Variants in SND1 observed in about 807,000 individuals in gnomAD.
The protein encoded by SND1 is staphylococcal nuclease and tudor domain containing 1, also known as staphylococcal nuclease domain-containing protein 1.
In SND1, 38 loss-of-function variants were observed where a neutral mutation model predicts 121.7. The ratio of observed to expected loss-of-function variants is 0.31; its 90% CI spans 0.24 to 0.41. SND1 has a LOEUF of 0.41. SND1 is among the 10% of genes least tolerant of loss of function. SND1 has a pLI of 1.00. For missense variants in SND1, 868 were observed against 1,184.6 expected, an observed-to-expected ratio of 0.73 and a Z score of 3.92; for synonymous variants, 401 against 447.4, an observed-to-expected ratio of 0.90 and a Z score of 1.31.
chr7:127,861,058 G>A (rs966777345), intron 12 of SND1, among the ~76,000 whole-genome samples: 3 of 152,172 alleles, frequency 2.0e-5, no homozygotes, highest in African/African-American at 7.2e-5. Flanking sequence ...TTATGCTGAT[G>A]CGCTTCTAGG....
chr7:128,006,171 G>A (rs1229257962), intron 16 of SND1, among the ~76,000 whole-genome samples: 2 of 152,224 alleles, frequency 1.3e-5, no homozygotes, highest in Admixed American at 1.3e-4. Context: ...GGAATGTAGA[G>A]TGGAGACAGT....
At chr7:127,771,259 C>T (rs139166756) in intron 10 of SND1, among the ~76,000 whole-genome samples, 85 of 152,278 alleles carry the variant, frequency 5.6e-4, no homozygotes, top group African/African-American at 1.9e-3. Context: ...CAGGCTAATT[C>T]TTGGCATACG....
chr7:127,998,719 G>GCA (rs1802739657), intron 16 of SND1: 1 of 152,236 alleles, frequency 6.6e-6, no homozygotes, highest in Non-Finnish European at 1.5e-5. Context: ...AATGAAAGTG[G>GCA]CATCACAAGG....
intron 12 of SND1, among the ~76,000 whole-genome samples, chr7:127,849,518 C>T (rs1799127248): frequency 6.6e-6 from 1 of 152,160 alleles, no homozygotes; most frequent in African/African-American, 2.4e-5. Flanking sequence ...TTCTCACCAC[C>T]ACCTCACCCC....
intron 12 of SND1, among the ~76,000 whole-genome samples, chr7:127,879,644 A>G (rs1799753504): frequency 6.6e-6 from 1 of 152,148 alleles, no homozygotes; most frequent in Non-Finnish European, 1.5e-5. Flanking sequence ...TTAGGAATCA[A>G]TATCGGAACT....
At chr7:127,802,721 C>T (rs1420433377) in intron 10 of SND1, among the ~76,000 whole-genome samples, 3 of 152,188 alleles carry the variant, frequency 2.0e-5, no homozygotes, top group African/African-American at 7.2e-5. Context: ...TCAACATCTC[C>T]ACTCAGGTAT....
intron 15 of SND1, among the ~76,000 whole-genome samples, chr7:127,957,295 A>T (rs932027362): frequency 6.6e-6 from 1 of 152,186 alleles, no homozygotes; most frequent in Non-Finnish European, 1.5e-5. Flanking sequence ...TTCACTAACT[A>T]GTGTCCTCTC....
chr7:127,761,494 A>G (rs1797305500), intron 10 of SND1, among the ~76,000 whole-genome samples: 1 of 152,240 alleles, frequency 6.6e-6, no homozygotes, highest in Non-Finnish European at 1.5e-5. Context: ...CAAAAAATGA[A>G]TATGATGAGT....
At chr7:128,072,441 G>A (rs1793428988) in intron 16 of SND1, among the ~76,000 whole-genome samples, 1 of 152,188 alleles carries the variant, frequency 6.6e-6, no homozygotes, top group African/African-American at 2.4e-5. Flanking sequence ...TGTTGGCTGG[G>A]AACTGTACCA....
In SND1 at chr7:128,085,666, G is replaced by C; in HGVS notation, c.2235-45G>C. On this transcript the variant is annotated intron_variant, in intron 19 of 23. Coordinates refer to ENST00000354725, the MANE Select transcript of SND1 (RefSeq NM_014390.4). The surrounding 1 kb of genome is among the most constrained non-coding windows in gnomAD (Gnocchi z 4.4). ...ATTGCTGAGGCTCTGGGAGCCCAGA[G>C]TCCTCAGGGCTGTCTCTTGAGCTCT... 6.3e-7 allele frequency: 1 copy of C among 1,578,922 alleles called. No individual in the cohort carries two copies.
chr7:127,971,723 T>C lies in SND1; in HGVS notation c.1670-19224T>C, dbSNP rs115064273. Among the ~76,000 whole-genome samples, 897 of 152,092 alleles carry C rather than the reference T, an allele frequency of 5.9e-3. 16 individuals are homozygous for C. The highest frequency in any genetic ancestry group is 0.021 in the African/African-American group (855 of 41,492). ...CATTAAAATAAATTTAAATGTGACT[T>C]ATATACAATAAAGTACACAAGTCGT... On this transcript the variant is annotated intron_variant, in intron 15 of 23. Transcript: ENST00000354725.
At chr7:127,886,832 C>T (rs1760100869) in intron 12 of SND1, among the ~76,000 whole-genome samples, 1 of 93,568 alleles carries the variant, frequency 1.1e-5, no homozygotes, top group African/African-American at 4.1e-5. Context: ...CAAGTGTGAG[C>T]AATTTTCTTA....
At chr7:127,732,633 C>A (rs954438971) in intron 10 of SND1, among the ~76,000 whole-genome samples, 6 of 152,230 alleles carry the variant, frequency 3.9e-5, no homozygotes, top group Non-Finnish European at 8.8e-5. Context: ...AACAACGAAA[C>A]TGTATTCTAG....
At chr7:127,727,667 A>G (rs1437193720) in intron 10 of SND1, among the ~76,000 whole-genome samples, 1 of 152,162 alleles carries the variant, frequency 6.6e-6, no homozygotes, top group East Asian at 1.9e-4. Context: ...TTTGAAATGG[A>G]TATAGCATTT....
chr7:128,037,921 A>T lies in SND1; in HGVS notation c.1780-36581A>T, dbSNP rs780121831. On this transcript the variant is annotated intron_variant, in intron 16 of 23. Transcript: ENST00000354725. ...ATATTGGAACACTTAAGCGTTTACC[A>T]GTAGTAACACCAAAAGTACCTCCTG... Among the ~76,000 whole-genome samples the T allele has an allele frequency of 2.6e-5, 4 of 152,210 alleles. No individual in the cohort carries two copies. The East Asian group carries it at 7.7e-4, about 29-fold the overall frequency.
At chr7:127,971,167 T>A (rs1023068117) in intron 15 of SND1, among the ~76,000 whole-genome samples, 7 of 152,306 alleles carry the variant, frequency 4.6e-5, no homozygotes, top group African/African-American at 1.7e-4. Flanking sequence ...GTTATTTCGA[T>A]GTCACTTTTC....
At chr7:128,039,954 C>CTA (rs1386205912) in intron 16 of SND1, among the ~76,000 whole-genome samples, 9 of 152,198 alleles carry the variant, frequency 5.9e-5, no homozygotes, top group Admixed American at 5.2e-4. Context: ...AGTGCCAGAG[C>CTA]TATAGCACAG....
At chr7:127,776,167 G>A (rs1208793605) in intron 10 of SND1, among the ~76,000 whole-genome samples, 1 of 152,144 alleles carries the variant, frequency 6.6e-6, no homozygotes. Flanking sequence ...TGAAAAAATA[G>A]GCTTTCATCT....
chr7:127,843,952 G>T (rs1799010713), intron 11 of SND1, among the ~76,000 whole-genome samples: 1 of 152,158 alleles, frequency 6.6e-6, no homozygotes, highest in Non-Finnish European at 1.5e-5. Flanking sequence ...GTATCTCATT[G>T]TTGTTTAAGT....
Sources: allele counts gnomAD v4.1 joint callset (sites outside exome capture counted in the v4.1 genomes callset), GRCh38; gene constraint gnomAD v4.1.1; non-coding constraint Gnocchi (gnomAD v3.1); transcripts MANE v1.5; gene names NCBI Gene and HGNC (gene_info 2026-07-23, HGNC 2026-07-21).